DRC1: variants seen among roughly 807,000 people sequenced by gnomAD.
DRC1 encodes the protein dynein regulatory complex subunit 1.
In DRC1, 74 loss-of-function variants were observed where a neutral mutation model predicts 98.7. The ratio of observed to expected loss-of-function variants is 0.75; its 90% CI spans 0.62 to 0.91. The LOEUF is 0.91. DRC1 is among the 40% of genes least tolerant of loss of function. The probability of loss-of-function intolerance (pLI) is 0.00; values close to 1 mark genes in which losing one functional copy is unlikely to be tolerated. For missense variants in DRC1, 875 were observed against 886.0 expected (o/e 0.99, Z 0.16); for synonymous variants, 336 against 334.1 (o/e 1.01, Z -0.06).
rs1286539755 is a variant in DRC1, at chr2:26,454,868, G to T, written c.2063+78G>T. 1.6e-5 allele frequency: 25 copies of T among 1,593,582 alleles called. No individual in the cohort carries two copies. In the East Asian group the frequency reaches 4.9e-4, roughly 31 times the overall value. On this transcript the variant is annotated intron_variant, in intron 15 of 16. Coordinates refer to ENST00000288710, the MANE Select transcript of DRC1 (RefSeq NM_145038.5). The surrounding 1 kb of genome is among the most constrained non-coding windows in gnomAD (Gnocchi z 5.2). ...GTTGTTGGGAGCAGCCGCGTTTGCT[G>T]CCTCCCTGTCCCACTGAACCTGGGA...
chr2:26,453,601 A>G, intron 14 of DRC1, 52 bp downstream of exon 14: 1 of 1,561,400 alleles, frequency 6.4e-7, no homozygotes, highest in South Asian at 1.2e-5. Context: ...GGGGAGCTGG[A>G]TGGGCTGGGG....
At chr2:26,434,368 A>G (rs1663516973) in intron 7 of DRC1, among the ~76,000 whole-genome samples, 1 of 152,198 alleles carries the variant, frequency 6.6e-6, no homozygotes, top group Admixed American at 6.5e-5. Context: ...TGCTAGAAAC[A>G]TTTAATTCTT....
rs1279508726 is a variant in DRC1 at position 26,450,010 on chromosome 2, GAGCA to G, written c.1528_1531del (p.Lys510CysfsTer2). ...CTTCTCCCCAGGGGTTCCTCATAGA[GAGCA>G]AGCTGCTGAGCCTTCTCCTGCCCCT... On this transcript the variant is annotated frameshift_variant, in exon 12 of 17. Coordinates refer to ENST00000288710, the MANE Select transcript of DRC1 (RefSeq NM_145038.5). LOFTEE classifies it high-confidence loss of function. The G allele has an allele frequency of 6.2e-7, 1 of 1,613,844 alleles. No individual in the cohort carries two copies. The highest frequency in any genetic ancestry group is 8.5e-7 in the Non-Finnish European group (1 of 1,179,948).
Position 26,402,272 on chromosome 2 carries a change from G to A in DRC1, c.155+128G>A, listed in dbSNP as rs927151521. The A allele has an allele frequency of 1.7e-5, 23 of 1,377,490 alleles. No homozygotes were observed. In the African/African-American group the frequency reaches 3.3e-4, roughly 19 times the overall value. The allele number at this position is 1,377,490 out of a possible 1,614,324, so 85.3% of individuals were successfully genotyped here. ...GTATGGGAAAGTAAAACGCTGGGCC[G>A]GTGCCGTGGCGCGCGCCTGTCATCC... On this transcript the variant is annotated intron_variant, in intron 1 of 16. Transcript: ENST00000288710.
intron 8 of DRC1, among the ~76,000 whole-genome samples, chr2:26,441,429 A>G (rs771079580): frequency 6.6e-6 from 1 of 152,214 alleles, no homozygotes; most frequent in Non-Finnish European, 1.5e-5. Flanking sequence ...CTTAAGCCTG[A>G]TTATCTGAGA....
intron 3 of DRC1, among the ~76,000 whole-genome samples, chr2:26,423,520 C>T (rs1433223412): frequency 1.3e-5 from 2 of 152,110 alleles, no homozygotes; most frequent in Non-Finnish European, 2.9e-5. Context: ...CTTCCTGCCA[C>T]CTCGCCCCAG....
At chr2:26,423,992 G>C (rs571098355) in intron 3 of DRC1, among the ~76,000 whole-genome samples, 2 of 152,280 alleles carry the variant, frequency 1.3e-5, no homozygotes, top group South Asian at 4.2e-4. Flanking sequence ...ATCGATCTTG[G>C]TGTGTGTGCG....
Position 26,430,706 on chromosome 2 carries a change from G to A in DRC1, c.679-80G>A, listed in dbSNP as rs1663411547. 6 of 1,443,560 alleles carry A rather than the reference G, an allele frequency of 4.2e-6. No homozygotes were observed. In the East Asian group the frequency reaches 1.4e-4, roughly 33 times the overall value. 89.4% of individuals were successfully genotyped at this position (1,443,560 alleles called of 1,614,324 possible). A position where few individuals can be genotyped will look rare whatever the true frequency, so the allele number is the denominator to read the frequency against. On this transcript the variant is annotated intron_variant, in intron 5 of 16. Transcript: ENST00000288710. ...TGTGGTTGGTGATATGGCACTTATA[G>A]TTACCTGAAAGTTCTTTGACACTGG...
chr2:26,437,704 A>G (rs1453456036), intron 7 of DRC1, among the ~76,000 whole-genome samples: 1 of 152,172 alleles, frequency 6.6e-6, no homozygotes, highest in Non-Finnish European at 1.5e-5. Flanking sequence ...TTAAAAGTAT[A>G]TATAACTATA....
rs767920595 is a variant in DRC1 at position 26,402,160 on chromosome 2, G to A, written c.155+16G>A. Reference sequence around the variant, plus strand: ...CCCGGAGGCGGTGAGCGCGGGGGCGGGCGGGGCGGGATCCGCGCCGCAGGA... The same window carrying A: ...CCCGGAGGCGGTGAGCGCGGGGGCGAGCGGGGCGGGATCCGCGCCGCAGGA... On this transcript the variant is annotated intron_variant, in intron 1 of 16. Coordinates refer to ENST00000288710, the MANE Select transcript of DRC1 (RefSeq NM_145038.5). 1.3e-6 allele frequency: 2 copies of A among 1,572,678 alleles called. No homozygotes were observed. The highest frequency in any genetic ancestry group is 1.7e-6 in the Non-Finnish European group (2 of 1,163,036).
chr2:26,441,310 G>A (rs1260311766), intron 8 of DRC1, among the ~76,000 whole-genome samples: 1 of 152,192 alleles, frequency 6.6e-6, no homozygotes, highest in Non-Finnish European at 1.5e-5. Context: ...CCACTTGTAG[G>A]TTGGTAATAC....
intron 13 of DRC1, among the ~76,000 whole-genome samples, chr2:26,450,990 G>A (rs1663992847): frequency 6.7e-6 from 1 of 150,112 alleles, no homozygotes; most frequent in South Asian, 2.1e-4. Flanking sequence ...TTGGTTTTCT[G>A]ATCTTGTGAT....
At chr2:26,418,716 A>T (rs10199677) in intron 2 of DRC1, among the ~76,000 whole-genome samples, 2,166 of 96,244 alleles carry the variant, frequency 0.023, 77 homozygotes, top group African/African-American at 0.08. Context: ...AATTTATATA[A>T]TATATAAATT....
chr2:26,425,218 A>G (rs1444796205), intron 4 of DRC1, among the ~76,000 whole-genome samples: 1 of 152,208 alleles, frequency 6.6e-6, no homozygotes, highest in Non-Finnish European at 1.5e-5. Flanking sequence ...TTGGCTTAGT[A>G]TAGATGGACT....
At chr2:26,436,319 A>AT (rs935743841) in intron 7 of DRC1, among the ~76,000 whole-genome samples, 4 of 151,458 alleles carry the variant, frequency 2.6e-5, no homozygotes, top group African/African-American at 4.9e-5. Flanking sequence ...CCTGCCCTTT[A>AT]TTTTTTGGAG....
chr2:26,433,850 A>T (rs76489184), intron 7 of DRC1, among the ~76,000 whole-genome samples: 3,709 of 152,148 alleles, frequency 0.024, 146 homozygotes, highest in African/African-American at 0.083. Flanking sequence ...GGGGTCACAG[A>T]GCCTTTGCGT....
Position 26,454,626 on chromosome 2 carries a change from C to A in DRC1, c.1920-21C>A. The A allele has an allele frequency of 6.2e-7, 1 of 1,613,284 alleles. No individual in the cohort carries two copies. The highest frequency in any genetic ancestry group is 1.3e-5 in the African/African-American group (1 of 75,044). On this transcript the variant is annotated intron_variant, in intron 14 of 16. Coordinates refer to ENST00000288710, the MANE Select transcript of DRC1 (RefSeq NM_145038.5). The surrounding 1 kb of genome is among the most constrained non-coding windows in gnomAD (Gnocchi z 5.2). ...GGTAGTACCCAATGGACATGACAAT[C>A]ACTGTGCTCTTGGCCTTCAGGGACT...
intron 2 of DRC1, among the ~76,000 whole-genome samples, chr2:26,415,858 C>T (rs752816593): frequency 6.7e-6 from 1 of 148,248 alleles, no homozygotes; most frequent in African/African-American, 2.5e-5. Flanking sequence ...CTTGAACCCA[C>T]GAGGTGGAGG....
intron 16 of DRC1, among the ~76,000 whole-genome samples, chr2:26,455,801 A>AGTT (rs1200398217): frequency 6.6e-6 from 1 of 152,224 alleles, no homozygotes; most frequent in Admixed American, 6.5e-5. Context: ...ACCCTGCAAT[A>AGTT]GTTGTGGACA....
Sources: gnomAD v4.1 joint callset for allele counts (sites outside exome capture counted in the v4.1 genomes callset) on GRCh38, gnomAD v4.1.1 for gene constraint, Gnocchi (gnomAD v3.1) non-coding constraint, MANE v1.5 for transcripts, NCBI Gene and HGNC (gene_info 2026-07-23, HGNC 2026-07-21) for gene names.